Variants in CCNT1 observed in about 807,000 individuals in gnomAD.
CCNT1 encodes cyclin T1.
A neutral mutation model predicts 67.3 loss-of-function variants in CCNT1; 18 were observed. The observed-to-expected ratio is 0.27, with a 90% CI of 0.18 to 0.40. The LOEUF (loss-of-function observed/expected upper bound fraction) is 0.40. Ranked by LOEUF, CCNT1 falls within the 10% of genes least tolerant of loss-of-function variation. CCNT1 has a pLI of 1.00. For missense variants in CCNT1, 744 were observed against 884.9 expected (o/e 0.84, Z 2.02); for synonymous variants, 333 against 310.3 (o/e 1.07, Z -0.77).
chr12:48,703,153 A>G (rs912093075), intron 3 of CCNT1, among the ~76,000 whole-genome samples: 8 of 151,622 alleles, frequency 5.3e-5, no homozygotes, highest in African/African-American at 1.9e-4. Flanking sequence ...AGTGGCTCAC[A>G]CCTGTAATCC....
At chr12:48,694,996 G>A (rs180673471) in intron 8 of CCNT1, among the ~76,000 whole-genome samples, 180 of 152,244 alleles carry the variant, frequency 1.2e-3, no homozygotes, top group Non-Finnish European at 2.3e-3. Flanking sequence ...GCTAATTTTT[G>A]TATTTTTAGT....
In CCNT1 at chr12:48,693,831, T is replaced by C; in HGVS notation, c.1383A>G (p.Lys461=). The part of the protein sequence containing the change: ...FLEKADKTAL[K]MRIPVAGGDK... The stretch of plus-strand genomic sequence containing the variant: ...CTCCACCTGCCACTGGGATTCTCAT[T>C]TTGAGAGCTGTTTTGTCAGCCTTTT... The change falls in exon 9 of 9, where the codon AAA becomes AAG. Residue 461 remains lysine, a synonymous_variant. Coordinates refer to ENST00000261900, the MANE Select transcript of CCNT1 (RefSeq NM_001240.4). 6.2e-7 allele frequency: 1 copy of C among 1,614,164 alleles called. No individual in the cohort carries two copies. The highest frequency in any genetic ancestry group is 2.2e-5 in the East Asian group (1 of 44,882).
chr12:48,712,144 C>T (rs1377872551), intron 2 of CCNT1, among the ~76,000 whole-genome samples: 1 of 152,002 alleles, frequency 6.6e-6, no homozygotes, highest in Non-Finnish European at 1.5e-5. Context: ...GCAGTTACTC[C>T]CAATACTGTT....
At position 48,694,360 on chromosome 12, in the gene CCNT1, T is replaced by C. The variant is rs566116309; in HGVS notation, c.854A>G (p.Asn285Ser). The C allele has an allele frequency of 5.0e-6, 8 of 1,614,214 alleles. No homozygotes were observed. In the African/African-American group the frequency reaches 9.3e-5, roughly 19 times the overall value. ...GTCTGAAGAGCTCTGGGAAATCATA[T>C]TGAGGATTGTCTGCTCTGAAGTCTT... is the stretch of plus-strand genomic sequence containing the variant. The part of the protein sequence containing the change: ...DEKTSEQTIL[N>S]MISQSSSDTT... Residue 285 changes from asparagine (N) to serine (S), a missense_variant, in exon 9 of 9, where the codon AAT becomes AGT. By Grantham distance (46) the Asn-to-Ser change is conservative (BLOSUM62 1). This residue lies in a region of CCNT1 where 564 missense variants were observed against 574.2 expected (regional missense o/e 0.98). Coordinates refer to ENST00000261900, the MANE Select transcript of CCNT1 (RefSeq NM_001240.4).
chr12:48,711,866 C>A (rs1451634902), intron 2 of CCNT1, among the ~76,000 whole-genome samples: 1 of 152,218 alleles, frequency 6.6e-6, no homozygotes, highest in Non-Finnish European at 1.5e-5. Context: ...GATCTCGGCT[C>A]ACTGCAAGCT....
rs1940073600 is a variant in CCNT1, at chr12:48,691,556, A to T, written c.*1477T>A. On this transcript the variant is annotated 3_prime_UTR_variant, in exon 9 of 9. Transcript: ENST00000261900. ...GCCAAGATTTTCTGAAAGATTTATT[A>T]AAAATGTTCACTCCTAATATCTGGG... The T allele has an allele frequency of 1.3e-5, 2 of 152,244 alleles. No homozygotes were observed. The highest frequency in any genetic ancestry group is 4.8e-5 in the African/African-American group (2 of 41,466). The allele number at this position is 152,244 out of a possible 1,614,324, so 9.4% of individuals were successfully genotyped here.
chr12:48,709,464 C>T (rs990615433), intron 2 of CCNT1, among the ~76,000 whole-genome samples: 3 of 152,100 alleles, frequency 2.0e-5, no homozygotes, highest in African/African-American at 7.2e-5. Context: ...TATATAAGTG[C>T]ACTATATATG....
chr12:48,716,434 C>T (rs1280483318), intron 1 of CCNT1, 81 bp downstream of exon 1: 7 of 1,288,724 alleles, frequency 5.4e-6, no homozygotes, highest in Non-Finnish European at 7.4e-6. Flanking sequence ...CCACTTTCGT[C>T]CCCCCCACAG....
intron 2 of CCNT1, among the ~76,000 whole-genome samples, chr12:48,709,950 G>A (rs1297283196): frequency 6.6e-6 from 1 of 151,598 alleles, no homozygotes; most frequent in Non-Finnish European, 1.5e-5. Flanking sequence ...GAGTGCAACG[G>A]CACGATCTCA....
chr12:48,701,957 C>T (rs1280574632), intron 3 of CCNT1, among the ~76,000 whole-genome samples: 5 of 150,762 alleles, frequency 3.3e-5, no homozygotes, highest in East Asian at 2.0e-4. Flanking sequence ...AGTGCAGTGG[C>T]GCGACCTCGC....
Position 48,698,189 on chromosome 12 carries a change from G to GAAA in CCNT1, c.497-9_497-7dup, listed in dbSNP as rs11420004. On this transcript the variant is annotated splice_polypyrimidine_tract_variant and splice_region_variant and intron_variant, in intron 5 of 8. Coordinates refer to ENST00000261900, the MANE Select transcript of CCNT1 (RefSeq NM_001240.4). ...CTGTGCTAAGTCCTTGCTTGCTAAAGAAAAAAAAAAAAAGTCAGGGGTGGG... is the reference window on the plus strand; with the variant it reads ...CTGTGCTAAGTCCTTGCTTGCTAAAGAAAAAAAAAAAAAAAAGTCAGGGGTGGG... 3.0e-3 allele frequency: 3,273 copies of GAAA among 1,093,128 alleles called. 1 individual carries two copies. The highest frequency in any genetic ancestry group is 6.2e-3 in the South Asian group (359 of 58,298). 67.7% of individuals were successfully genotyped at this position (1,093,128 alleles called of 1,614,324 possible). A position where few individuals can be genotyped will look rare whatever the true frequency, so the allele number is the denominator to read the frequency against.
chr12:48,693,571 CTAT>C lies in CCNT1; in HGVS notation c.1640_1642del (p.His547_Ser548delinsArg). On this transcript the variant is annotated inframe_deletion, in exon 9 of 9. Coordinates refer to ENST00000261900, the MANE Select transcript of CCNT1 (RefSeq NM_001240.4). Reference sequence around the variant, plus strand: ...ATGTGCTAAGTTGCTTGTCTGGCTACTATGTTTTGGATCACCAGGACGTTTGTT... The same window carrying C: ...ATGTGCTAAGTTGCTTGTCTGGCTACGTTTTGGATCACCAGGACGTTTGTT... The C allele has an allele frequency of 2.5e-6, 4 of 1,614,110 alleles. No homozygotes were observed. Among genetic ancestry groups the C allele is most frequent in the Non-Finnish European group, 3.4e-6 (4 of 1,180,022 alleles).
Position 48,693,002 on chromosome 12 carries a change from G to A in CCNT1, c.*31C>T, listed in dbSNP as rs776315666. 2.2e-6 allele frequency: 3 copies of A among 1,352,176 alleles called. No individual in the cohort carries two copies. Among genetic ancestry groups the A allele is most frequent in the South Asian group, 1.5e-5 (1 of 68,364 alleles). 83.8% of individuals were successfully genotyped at this position (1,352,176 alleles called of 1,614,324 possible). On this transcript the variant is annotated 3_prime_UTR_variant, in exon 9 of 9. Transcript: ENST00000261900. The stretch of plus-strand genomic sequence containing the variant: ...AAGAAAAATTATGTGTTTTTTTAAA[G>A]AAGTTTTTTTCTCCTCTTCTTTTTC...
chr12:48,708,564 A>C (rs1459107934), intron 2 of CCNT1, among the ~76,000 whole-genome samples: 2 of 152,078 alleles, frequency 1.3e-5, no homozygotes, highest in Non-Finnish European at 2.9e-5. Context: ...GAAAAAAAAA[A>C]AAGTTTAGAC....
Position 48,704,560 on chromosome 12 carries a change from C to T in CCNT1, c.372+1208G>A, listed in dbSNP as rs144938437. The stretch of plus-strand genomic sequence containing the variant: ...GCACAGTGGCTCATGCCTGTAATCC[C>T]ACCACTGTGGGAGGCCAAGGCGGGC... On this transcript the variant is annotated intron_variant, in intron 3 of 8. Coordinates refer to ENST00000261900, the MANE Select transcript of CCNT1 (RefSeq NM_001240.4). 2.6e-5 allele frequency among the ~76,000 whole-genome samples: 4 copies of T among 152,286 alleles called. No homozygotes were observed. In the East Asian group the frequency reaches 7.7e-4, roughly 29 times the overall value.
chr12:48,716,367 G>A, intron 1 of CCNT1, 148 bp downstream of exon 1: 1 of 709,700 alleles, frequency 1.4e-6, no homozygotes. Context: ...CTGAGTTTCA[G>A]CCCGCCCCAT....
intron 2 of CCNT1, among the ~76,000 whole-genome samples, chr12:48,711,633 G>A (rs1030508341): frequency 7.9e-5 from 12 of 152,192 alleles, no homozygotes; most frequent in African/African-American, 2.9e-4. Context: ...CTATTCTGGT[G>A]CTATCAGATA....
chr12:48,706,523 A>G (rs1243362248), intron 2 of CCNT1, among the ~76,000 whole-genome samples: 1 of 152,274 alleles, frequency 6.6e-6, no homozygotes, highest in Admixed American at 6.5e-5. Flanking sequence ...GACATTATTT[A>G]TAGAAAGCAT....
At chr12:48,706,498 T>A (rs1940362706) in intron 2 of CCNT1, among the ~76,000 whole-genome samples, 1 of 152,164 alleles carries the variant, frequency 6.6e-6, no homozygotes, top group Non-Finnish European at 1.5e-5. Flanking sequence ...ATACAAAGCA[T>A]GGCATTATAT....
Sources: gnomAD v4.1 joint callset for allele counts (sites outside exome capture counted in the v4.1 genomes callset) on GRCh38, gnomAD v4.1.1 for gene constraint, gnomAD v4.1.1 regional missense constraint, MANE v1.5 for transcripts, NCBI Gene and HGNC (gene_info 2026-07-23, HGNC 2026-07-21) for gene names.